Variants in LOC112694756 observed in about 807,000 individuals in gnomAD.
At chr16:30,056,208 C>A in the LOC112694756 span, among the ~76,000 whole-genome samples, 1 of 126,188 alleles carries the variant, frequency 7.9e-6, no homozygotes, top group Non-Finnish European at 1.8e-5. Context: ...CTCCTGGGTT[C>A]AAGCAATTCT....
chr16:30,067,803 C>T, the LOC112694756 span: 8 of 890,318 alleles, frequency 9.0e-6, no homozygotes. Context: ...ATTTACTCGA[C>T]ATTTTTAATC....
At chr16:30,070,320 C>A in the LOC112694756 span, 1 of 1,034,536 alleles carries the variant, frequency 9.7e-7, no homozygotes, top group Non-Finnish European at 1.5e-6. Flanking sequence ...CGCGCTCTTT[C>A]TTCCCTCGTG....
chr16:30,070,074 C>G, the LOC112694756 span: 1 of 1,613,566 alleles, frequency 6.2e-7, no homozygotes, highest in Admixed American at 1.7e-5. Context: ...GTGGATGGGA[C>G]TCGGAGAAGA....
chr16:30,059,591 C>T, the LOC112694756 span, among the ~76,000 whole-genome samples: 9 of 150,046 alleles, frequency 6.0e-5, no homozygotes, highest in Admixed American at 2.0e-4. Context: ...GAGTGCAGTG[C>T]TCCCTCTGTT....
At chr16:30,061,548 CTTTTTTTTTTT>C in the LOC112694756 span, among the ~76,000 whole-genome samples, 140 of 65,626 alleles carry the variant, frequency 2.1e-3, 1 homozygote, top group Non-Finnish European at 2.9e-3. Flanking sequence ...CCTCCATTTC[CTTTTTTTTTTT>C]TTTTTTTTTT....
the LOC112694756 span, chr16:30,069,521 C>T: frequency 6.2e-7 from 1 of 1,614,026 alleles, no homozygotes; most frequent in African/African-American, 1.3e-5. Context: ...GTCTACAAGG[C>T]TCTGAGTGAC....
At chr16:30,059,942 A>G in the LOC112694756 span, among the ~76,000 whole-genome samples, 3 of 151,698 alleles carry the variant, frequency 2.0e-5, 1 homozygote, top group Admixed American at 2.0e-4. Flanking sequence ...ATTCCCGACA[A>G]TGGCCTTATG....
the LOC112694756 span, chr16:30,069,109 A>G: frequency 9.5e-6 from 14 of 1,474,610 alleles, no homozygotes; most frequent in Non-Finnish European, 1.3e-5. Flanking sequence ...GAGGACACTC[A>G]AGGGCTGTTG....
the LOC112694756 span, chr16:30,067,132 G>A: frequency 6.3e-7 from 1 of 1,582,188 alleles, no homozygotes; most frequent in Non-Finnish European, 8.6e-7. Flanking sequence ...GGCAGGGGAG[G>A]TAGGGAACAT....
At chr16:30,067,181 G>A in the LOC112694756 span, 2 of 1,610,198 alleles carry the variant, frequency 1.2e-6, no homozygotes, top group African/African-American at 2.7e-5. Context: ...GTCATCGGGA[G>A]ATGATGGGAA....
chr16:30,065,080 C>A, the LOC112694756 span, among the ~76,000 whole-genome samples: 3 of 152,238 alleles, frequency 2.0e-5, no homozygotes, highest in Non-Finnish European at 4.4e-5. Flanking sequence ...TGCGGCGGCC[C>A]GGCGGAGAGC....
chr16:30,063,084 T>A, the LOC112694756 span, among the ~76,000 whole-genome samples: 1 of 150,250 alleles, frequency 6.7e-6, no homozygotes, highest in Non-Finnish European at 1.5e-5. Flanking sequence ...GAGGTTGCAG[T>A]GAGCCAAGAT....
the LOC112694756 span, chr16:30,064,363 C>G: frequency 1.8e-5 from 7 of 398,672 alleles, no homozygotes; most frequent in Non-Finnish European, 3.1e-5. Context: ...AGAGAAGGAG[C>G]CAGGGAGGGT....
At chr16:30,055,026 A>C in the LOC112694756 span, 12 of 398,390 alleles carry the variant, frequency 3.0e-5, no homozygotes, top group Non-Finnish European at 5.3e-5. Context: ...GACACTTGAC[A>C]TTTAGCCCTT....
chr16:30,057,751 A>G, the LOC112694756 span, among the ~76,000 whole-genome samples: 4 of 152,104 alleles, frequency 2.6e-5, no homozygotes, highest in East Asian at 7.7e-4. Flanking sequence ...GCAGAAGGGC[A>G]AAAGGAGGAG....
chr16:30,067,466 G>C, the LOC112694756 span: 1 of 1,613,282 alleles, frequency 6.2e-7, no homozygotes, highest in Admixed American at 1.7e-5. Flanking sequence ...TTGCCAAGCG[G>C]CTGCAGTCCA....
At chr16:30,069,530 A>T in the LOC112694756 span, 1 of 1,614,020 alleles carries the variant, frequency 6.2e-7, no homozygotes, top group Non-Finnish European at 8.5e-7. Flanking sequence ...GCTCTGAGTG[A>T]CCACCACATC....
At chr16:30,070,232 GCCC>G in the LOC112694756 span, 1 of 1,612,692 alleles carries the variant, frequency 6.2e-7, no homozygotes, top group Non-Finnish European at 8.5e-7. Flanking sequence ...TTCCCAGGCT[GCCC>G]CCAACACTCC....
chr16:30,062,530 C>CAAAA, the LOC112694756 span, among the ~76,000 whole-genome samples: 1 of 58,614 alleles, frequency 1.7e-5, no homozygotes, highest in Non-Finnish European at 3.4e-5. Context: ...GACTCCGTCT[C>CAAAA]AAAAAAAAAA....
Sources: allele counts gnomAD v4.1 joint callset (sites outside exome capture counted in the v4.1 genomes callset), GRCh38; gene constraint gnomAD v4.1.1; transcripts MANE v1.5.